NALF1: variants seen among roughly 807,000 people sequenced by gnomAD.
The protein encoded by NALF1 is family with sequence similarity 155 member A.
A neutral mutation model predicts 48.4 loss-of-function variants in NALF1; 3 were observed. The ratio of observed to expected loss-of-function variants is 0.06; its 90% confidence interval spans 0.03 to 0.16. NALF1 has a LOEUF of 0.16. NALF1 is among the 10% of genes least tolerant of loss of function. The pLI is 1.00. For missense variants in NALF1, 526 were observed against 571.5 expected (o/e 0.92, Z 0.81); for synonymous variants, 262 against 245.7 (o/e 1.07, Z -0.62).
chr13:107,636,258 C>G (rs1879974114), intron 1 of NALF1, among the ~76,000 whole-genome samples: 1 of 152,078 alleles, frequency 6.6e-6, no homozygotes, highest in Admixed American at 6.6e-5. Context: ...ATAACTTGAT[C>G]AAAACCAAAG....
intron 1 of NALF1, among the ~76,000 whole-genome samples, chr13:107,584,369 T>C (rs1270870601): frequency 6.6e-6 from 1 of 152,184 alleles, no homozygotes; most frequent in Non-Finnish European, 1.5e-5. Context: ...TAATTGAAAG[T>C]ATTTTAATGC....
chr13:107,269,961 G>A (rs569278892), intron 1 of NALF1, among the ~76,000 whole-genome samples: 6 of 120,236 alleles, frequency 5.0e-5, no homozygotes, highest in South Asian at 5.3e-4. Context: ...TAGTAGAGAC[G>A]GAGTTTCTCC....
rs568709042 is a variant in NALF1, at chr13:107,520,036, C to T, written c.916-309281G>A. 3.3e-5 allele frequency among the ~76,000 whole-genome samples: 5 copies of T among 152,154 alleles called. No homozygotes were observed. The South Asian group carries it at 8.3e-4, about 25-fold the overall frequency. On this transcript the variant is annotated intron_variant, in intron 1 of 2. Coordinates refer to ENST00000375915, the MANE Select transcript of NALF1 (RefSeq NM_001080396.3). ...TGCTGTAAGGATTAATTTTTTAATGCTTTATGATGATCTTTAGTGTCTTCT... is the reference window on the plus strand; with the variant it reads ...TGCTGTAAGGATTAATTTTTTAATGTTTTATGATGATCTTTAGTGTCTTCT...
chr13:107,668,957 C>G (rs981417912), intron 1 of NALF1, among the ~76,000 whole-genome samples: 18 of 152,116 alleles, frequency 1.2e-4, no homozygotes, highest in African/African-American at 4.1e-4. Flanking sequence ...AAAAAAGATA[C>G]CTTCGAAATC....
intron 1 of NALF1, among the ~76,000 whole-genome samples, chr13:107,221,174 G>A (rs115605721): frequency 0.01 from 1,527 of 152,120 alleles, 35 homozygotes; most frequent in African/African-American, 0.035. Context: ...TACCTGTAGG[G>A]TACAATGTAC....
At position 107,567,444 on chromosome 13, in the gene NALF1, T is replaced by A. The variant is rs1290215396; in HGVS notation, c.915+298238A>T. Among the ~76,000 whole-genome samples the A allele has an allele frequency of 2.0e-5, 3 of 152,244 alleles. No homozygotes were observed. In the East Asian group the frequency reaches 5.8e-4, roughly 29 times the overall value. On this transcript the variant is annotated intron_variant, in intron 1 of 2. Coordinates refer to ENST00000375915, the MANE Select transcript of NALF1 (RefSeq NM_001080396.3). ...ACATATATTGGCCTGATTGTCTACT[T>A]GACATGACACCCAACTTCACATTTT...
At chr13:107,628,275 C>T (rs1332210328) in intron 1 of NALF1, among the ~76,000 whole-genome samples, 3 of 152,166 alleles carry the variant, frequency 2.0e-5, no homozygotes, top group Non-Finnish European at 4.4e-5. Context: ...TTAAATGGCA[C>T]TTCCGACTGC....
intron 1 of NALF1, among the ~76,000 whole-genome samples, chr13:107,435,488 T>C (rs16970109): frequency 0.012 from 1,862 of 152,256 alleles, 43 homozygotes; most frequent in African/African-American, 0.042. Context: ...TACTCCAGGA[T>C]TATATAGGGA....
chr13:107,643,254 T>G (rs12429551), intron 1 of NALF1, among the ~76,000 whole-genome samples: 17,336 of 152,192 alleles, frequency 0.11, 1,513 homozygotes, highest in Admixed American at 0.21. Context: ...CAAATGCTTT[T>G]GCTAAAATGA....
chr13:107,677,596 T>C (rs897631626), intron 1 of NALF1, among the ~76,000 whole-genome samples: 2 of 152,180 alleles, frequency 1.3e-5, no homozygotes, highest in East Asian at 1.9e-4. Flanking sequence ...TAAATTCACA[T>C]AATGGAATAT....
chr13:107,248,550 T>C (rs1458688836), intron 1 of NALF1, among the ~76,000 whole-genome samples: 1 of 149,388 alleles, frequency 6.7e-6, no homozygotes. Context: ...GCAATTTTTT[T>C]CTTGGAACTG....
chr13:107,186,213 G>A lies in NALF1; in HGVS notation c.1088-15427C>T, dbSNP rs533391817. 1.1e-4 allele frequency among the ~76,000 whole-genome samples: 17 copies of A among 152,144 alleles called. No individual in the cohort carries two copies. In the East Asian group the frequency reaches 2.5e-3, roughly 23 times the overall value. ...CGTTTGACGGGGTTTAGTATCCACC[G>A]GGGGATGCTGTAATGTATCCCACAC... On this transcript the variant is annotated intron_variant, in intron 2 of 2. Transcript: ENST00000375915.
chr13:107,597,140 T>A (rs1432629397), intron 1 of NALF1, among the ~76,000 whole-genome samples: 1 of 152,166 alleles, frequency 6.6e-6, no homozygotes, highest in Non-Finnish European at 1.5e-5. Flanking sequence ...ATATCAGCAG[T>A]GCTTTTGTAG....
intron 1 of NALF1, among the ~76,000 whole-genome samples, chr13:107,823,390 C>A (rs766493433): frequency 7.2e-5 from 11 of 152,196 alleles, no homozygotes; most frequent in Non-Finnish European, 1.2e-4. Context: ...CCCTCTGCCC[C>A]TGGCTGACAT....
chr13:107,649,575 G>A (rs1183264947), intron 1 of NALF1, among the ~76,000 whole-genome samples: 2 of 152,118 alleles, frequency 1.3e-5, no homozygotes, highest in Non-Finnish European at 2.9e-5. Flanking sequence ...GGCATATTTA[G>A]TGAATGCTAC....
At chr13:107,444,639 T>G (rs145742973) in intron 1 of NALF1, among the ~76,000 whole-genome samples, 1 of 152,202 alleles carries the variant, frequency 6.6e-6, no homozygotes, top group Non-Finnish European at 1.5e-5. Context: ...ATGTCATGAT[T>G]GCAGAGTATG....
At chr13:107,590,188 T>C (rs1218181720) in intron 1 of NALF1, among the ~76,000 whole-genome samples, 1 of 151,924 alleles carries the variant, frequency 6.6e-6, no homozygotes, top group East Asian at 1.9e-4. Context: ...GATAAAAAAT[T>C]TCAAATGAGT....
At chr13:107,574,154 G>C (rs1321575726) in intron 1 of NALF1, among the ~76,000 whole-genome samples, 1 of 152,116 alleles carries the variant, frequency 6.6e-6, no homozygotes. Flanking sequence ...AAATATATGA[G>C]ATGAAAGAGA....
intron 1 of NALF1, among the ~76,000 whole-genome samples, chr13:107,577,703 A>G (rs1237859502): frequency 6.6e-6 from 1 of 151,930 alleles, no homozygotes; most frequent in Non-Finnish European, 1.5e-5. Flanking sequence ...CTCTCCCTCA[A>G]GTTTTCTGTG....
Sources: gnomAD v4.1 joint callset for allele counts (sites outside exome capture counted in the v4.1 genomes callset) on GRCh38, gnomAD v4.1.1 for gene constraint, MANE v1.5 for transcripts, NCBI Gene and HGNC (gene_info 2026-07-23, HGNC 2026-07-21) for gene names.